SMC2: variants seen among roughly 807,000 people sequenced by gnomAD.
SMC2 encodes structural maintenance of chromosomes 2.
In SMC2, 41 loss-of-function variants were observed where a neutral mutation model predicts 142.6. The observed-to-expected ratio is 0.29, with a 90% CI of 0.22 to 0.37. The LOEUF is 0.37. Ranked by LOEUF, SMC2 falls within the 10% of genes least tolerant of loss-of-function variation. The pLI is 1.00. For synonymous variants in SMC2, 463 were observed against 457.5 expected, an observed-to-expected ratio of 1.01 and a Z score of -0.15; for missense variants, 1,265 against 1,373.7, an observed-to-expected ratio of 0.92 and a Z score of 1.25.
intron 13 of SMC2, 88 bp from the exon 14 acceptor site, chr9:104,116,112 T>G (rs944287100): frequency 1.7e-6 from 2 of 1,152,852 alleles, no homozygotes; most frequent in Non-Finnish European, 2.4e-6. Flanking sequence ...GCACTAAACA[T>G]TCATTTATTA....
intron 23 of SMC2, among the ~76,000 whole-genome samples, chr9:104,137,751 A>C (rs1241587198): frequency 6.6e-6 from 1 of 152,214 alleles, no homozygotes; most frequent in Non-Finnish European, 1.5e-5. Context: ...TCTTAAGAAT[A>C]GGTGCCAAAC....
Position 104,127,444 on chromosome 9 carries a change from C to A in SMC2, c.2754C>A (p.Ser918Arg), listed in dbSNP as rs761111335. The A allele has an allele frequency of 1.9e-6, 3 of 1,612,086 alleles. No individual in the cohort carries two copies. Among genetic ancestry groups the A allele is most frequent in the South Asian group, 2.2e-5 (2 of 90,828 alleles). The change falls in exon 20 of 25, where the codon AGC (serine) becomes AGA (arginine). Residue 918 changes from serine (S) to arginine (R), a missense_variant. Physicochemically the swap from Ser to Arg is moderately radical, Grantham distance 110. Coordinates refer to ENST00000374793, the MANE Select transcript of SMC2 (RefSeq NM_006444.3). ...LKIKELDHNI[S>R]KHKREAEDGA... ...TTAAGGAATTAGACCACAACATCAG[C>A]AAACATAAACGGGAGGCTGAAGATG...
intron 5 of SMC2, 77 bp from the exon 6 acceptor site, chr9:104,100,016 A>G (rs1830931857): frequency 3.5e-6 from 3 of 867,226 alleles, no homozygotes; most frequent in Admixed American, 6.3e-5. Flanking sequence ...GGTCAAGGCA[A>G]AAATGATATA....
rs1344468812 is a variant in SMC2 at position 104,139,441 on chromosome 9, TATATA to T, written c.*129_*133del. ...TGTTACTTAACCCATGTTTTCTCTT[TATATA>T]ATCACTTATCGCTTACAAATGAGCA... is the stretch of plus-strand genomic sequence containing the variant. On this transcript the variant is annotated 3_prime_UTR_variant, in exon 25 of 25. Transcript: ENST00000374793. 1 of 694,722 alleles carries T rather than the reference TATATA, an allele frequency of 1.4e-6. No individual in the cohort carries two copies. Among genetic ancestry groups the T allele is most frequent in the Non-Finnish European group, 2.3e-6 (1 of 434,946 alleles). The allele number at this position is 694,722 out of a possible 1,614,324, so 43.0% of individuals were successfully genotyped here.
chr9:104,124,144 T>C (rs1200274930), intron 17 of SMC2, among the ~76,000 whole-genome samples: 1 of 152,196 alleles, frequency 6.6e-6, no homozygotes, highest in Admixed American at 6.5e-5. Flanking sequence ...CAGGCTGGAG[T>C]GCAGTGGCGC....
At chr9:104,125,198 A>C (rs756654557) in intron 18 of SMC2, 93 bp downstream of exon 18, 3 of 894,134 alleles carry the variant, frequency 3.4e-6, no homozygotes, top group African/African-American at 3.4e-5. Flanking sequence ...ATTCATCAGA[A>C]TTGATCTCAG....
At chr9:104,121,838 T>G (rs1018768706) in intron 16 of SMC2, among the ~76,000 whole-genome samples, 25 of 152,142 alleles carry the variant, frequency 1.6e-4, no homozygotes, top group African/African-American at 6.0e-4. Flanking sequence ...TGGAGTGCAG[T>G]GGCCCGATCT....
intron 16 of SMC2, 45 bp downstream of exon 16, chr9:104,120,207 G>A (rs1444737982): frequency 6.8e-7 from 1 of 1,461,442 alleles, no homozygotes; most frequent in Non-Finnish European, 9.2e-7. Context: ...TTGCATAGTA[G>A]AAAATGATAG....
intron 9 of SMC2, among the ~76,000 whole-genome samples, chr9:104,103,003 A>G (rs536936644): frequency 8.4e-4 from 128 of 152,248 alleles, no homozygotes; most frequent in African/African-American, 3.0e-3. Flanking sequence ...AGTGATGTTG[A>G]TTAGGTACTT....
intron 9 of SMC2, among the ~76,000 whole-genome samples, chr9:104,110,705 C>CA: frequency 6.6e-6 from 1 of 152,322 alleles, no homozygotes; most frequent in East Asian, 1.9e-4. Flanking sequence ...TCCGGTTCCT[C>CA]AAACATTCAA....
chr9:104,108,535 CATCT>C (rs972638811), intron 9 of SMC2, among the ~76,000 whole-genome samples: 1 of 152,150 alleles, frequency 6.6e-6, no homozygotes, highest in Non-Finnish European at 1.5e-5. Context: ...TCTCGGGATC[CATCT>C]GACTACCCAC....
Position 104,095,400 on chromosome 9 carries a change from A to G in SMC2, c.16A>G (p.Ile6Val), listed in dbSNP as rs772505501. ...AGTATCGAAAATGCATATTAAGTCA[A>G]TTATTCTAGAGGGATTCAAGTCCTA... MHIKS[I>V]ILEGFKSYAQ... Residue 6 changes from isoleucine (I) to valine (V), a missense_variant, in exon 2 of 25, where the codon ATT (isoleucine) becomes GTT (valine). Physicochemically the swap from Ile to Val is conservative, Grantham distance 29. Around this residue, in one of 4 missense-constraint regions of SMC2, gnomAD observed 168 missense variants for 184.8 expected, o/e 0.91. Coordinates refer to ENST00000374793, the MANE Select transcript of SMC2 (RefSeq NM_006444.3). 15 of 1,612,844 alleles carry G rather than the reference A, an allele frequency of 9.3e-6. 1 individual carries two copies. The highest frequency in any genetic ancestry group is 3.3e-5 in the South Asian group (3 of 90,940).
chr9:104,126,909 A>G, intron 19 of SMC2, 125 bp downstream of exon 19: 1 of 977,066 alleles, frequency 1.0e-6, no homozygotes, highest in South Asian at 1.7e-5. Context: ...ATGAGGCACA[A>G]ATAGCTTTTA....
rs528705600 is a variant in SMC2 at position 104,128,592 on chromosome 9, A to AAGAT, written c.2791-1051_2791-1048dup. Among the ~76,000 whole-genome samples the AAGAT allele has an allele frequency of 3.9e-5, 6 of 152,322 alleles. No homozygotes were observed. In the South Asian group the frequency reaches 1.2e-3, roughly 32 times the overall value. ...TTCAAAGAGTTTACAGGTCAAAAGGAAGATACACTAGAAATGATAATTGTA... is the reference window on the plus strand; with the variant it reads ...TTCAAAGAGTTTACAGGTCAAAAGGAAGATAGATACACTAGAAATGATAATTGTA... On this transcript the variant is annotated intron_variant, in intron 20 of 24. Transcript: ENST00000374793.
chr9:104,092,500 A>G (rs921212312), upstream of SMC2: 1 of 152,252 alleles, frequency 6.6e-6, no homozygotes, highest in Non-Finnish European at 1.5e-5. Flanking sequence ...TGATAAAAGG[A>G]AGGAGACACA....
At chr9:104,135,925 G>T (rs1266555024) in intron 23 of SMC2, 2 of 518,622 alleles carry the variant, frequency 3.9e-6, no homozygotes, top group Admixed American at 1.9e-5. Context: ...AAAGGAAAAT[G>T]ATACCAGATG....
intron 16 of SMC2, among the ~76,000 whole-genome samples, chr9:104,122,778 G>A (rs544404650): frequency 2.0e-4 from 31 of 152,026 alleles, no homozygotes; most frequent in African/African-American, 6.5e-4. Flanking sequence ...ATCATTTTTC[G>A]TGGTGAGTAG....
chr9:104,112,768 A>G (rs1832625721), intron 10 of SMC2, among the ~76,000 whole-genome samples: 2 of 152,178 alleles, frequency 1.3e-5, no homozygotes, highest in South Asian at 4.1e-4. Context: ...GTTCAAGTGT[A>G]TAAATTCTTG....
chr9:104,104,171 C>T (rs1477049266), intron 9 of SMC2, among the ~76,000 whole-genome samples: 1 of 152,170 alleles, frequency 6.6e-6, no homozygotes, highest in Non-Finnish European at 1.5e-5. Flanking sequence ...TAAATATCAT[C>T]TATATGTTGA....
Sources: allele counts gnomAD v4.1 joint callset (sites outside exome capture counted in the v4.1 genomes callset), GRCh38; gene constraint gnomAD v4.1.1; regional missense constraint gnomAD v4.1.1; transcripts MANE v1.5; gene names NCBI Gene and HGNC (gene_info 2026-07-23, HGNC 2026-07-21).